Variants in GAL3ST2 observed in about 807,000 individuals in gnomAD.
GAL3ST2 encodes the protein beta-galactose-3-O-sulfotransferase 2.
In GAL3ST2, 16 loss-of-function variants were observed where a neutral mutation model predicts 12.9. The ratio of observed to expected loss-of-function variants is 1.24; its 90% CI spans 0.84 to 1.88. The LOEUF is 1.88. Among genes scored for constraint, GAL3ST2 ranks in the 40% most tolerant of loss-of-function variants. The pLI is 0.00. For synonymous variants in GAL3ST2, 302 were observed against 273.9 expected (o/e 1.10, Z -1.01); for missense variants, 639 against 571.8 (o/e 1.12, Z -1.20).
Position 241,799,097 on chromosome 2 carries a change from C to A in GAL3ST2, c.62C>A (p.Ala21Asp). Reference sequence around the variant, plus strand: ...CGGGTCATCCTCCTCCTCCTCCTGGCCCTGACTCTGCTCCTGCTGGCCGGA... The same window carrying A: ...CGGGTCATCCTCCTCCTCCTCCTGGACCTGACTCTGCTCCTGCTGGCCGGA... ...YFRVILLLLL[A>D]LTLLLLAGFL... The change falls in exon 2 of 4, where the codon GCC (alanine) becomes GAC (aspartate). Residue 21 changes from alanine (A) to aspartate (D), a missense_variant. Transcript: ENST00000192314. 6.2e-7 allele frequency: 1 copy of A among 1,613,750 alleles called. No individual in the cohort carries two copies.
At chr2:241,790,513 C>T (rs547409832) in intron 1 of GAL3ST2, among the ~76,000 whole-genome samples, 2 of 152,154 alleles carry the variant, frequency 1.3e-5, no homozygotes, top group South Asian at 2.1e-4. Context: ...TGTATCTTGC[C>T]CAAATTCCTA....
intron 1 of GAL3ST2, among the ~76,000 whole-genome samples, chr2:241,779,842 C>T (rs369241425): frequency 3.1e-4 from 47 of 151,744 alleles, no homozygotes; most frequent in African/African-American, 7.5e-4. Flanking sequence ...CAAAATTAGC[C>T]GGGCATGGTG....
In GAL3ST2 at chr2:241,801,855, G is replaced by A. The variant is rs769281840; in HGVS notation, c.194G>A (p.Ser65Asn). 1.2e-6 allele frequency: 2 copies of A among 1,612,986 alleles called. No individual in the cohort carries two copies. The highest frequency in any genetic ancestry group is 1.7e-6 in the Non-Finnish European group (2 of 1,179,958). Reference sequence around the variant, plus strand: ...CTGAAGACGCACAAGACGGCCAGCAGCACGGTGCTCAACATCCTCTACCGC... The same window carrying A: ...CTGAAGACGCACAAGACGGCCAGCAACACGGTGCTCAACATCCTCTACCGC... ...MFLKTHKTAS[S>N]TVLNILYRFA... Residue 65 changes from serine to asparagine, a missense_variant, in exon 3 of 4, where the codon AGC (serine) becomes AAC (asparagine). Transcript: ENST00000192314. The surrounding 1 kb of genome is among the most constrained non-coding windows in gnomAD (Gnocchi z 4.4).
Position 241,801,565 on chromosome 2 carries a change from G to T in GAL3ST2, c.120-216G>T. On this transcript the variant is annotated intron_variant, in intron 2 of 3. Transcript: ENST00000192314. The surrounding 1 kb of genome is among the most constrained non-coding windows in gnomAD (Gnocchi z 4.4). ...GGGAGCATGGTTACGGGAGACAGTT[G>T]GGGGAGTTTGTGTTCGGGCCACCAG... The T allele has an allele frequency of 1.6e-6, 1 of 615,040 alleles. No individual in the cohort carries two copies. The highest frequency in any genetic ancestry group is 2.8e-6 in the Non-Finnish European group (1 of 352,242). 38.1% of individuals were successfully genotyped at this position (615,040 alleles called of 1,614,324 possible).
At position 241,803,692 on chromosome 2, in the gene GAL3ST2, G is replaced by T. The variant is rs1249709027; in HGVS notation, c.723G>T (p.Leu241=). The T allele has an allele frequency of 1.3e-6, 2 of 1,545,330 alleles. No individual in the cohort carries two copies. Among genetic ancestry groups the T allele is most frequent in the Non-Finnish European group, 1.7e-6 (2 of 1,144,288 alleles). Reference sequence around the variant, plus strand: ...CCCTGGTGCTGCTGCGGCGCCGGCTGCGCTGGGCGCTGGACGACGTGGTGG... The same window carrying T: ...CCCTGGTGCTGCTGCGGCGCCGGCTTCGCTGGGCGCTGGACGACGTGGTGG... The part of the protein sequence containing the change: ...DESLVLLRRR[L]RWALDDVVAF... The change falls in exon 4 of 4, where the codon CTG becomes CTT. Residue 241 remains leucine (L), a synonymous_variant. Transcript: ENST00000192314.
chr2:241,785,838 A>G (rs984864665), intron 1 of GAL3ST2, among the ~76,000 whole-genome samples: 1 of 151,644 alleles, frequency 6.6e-6, no homozygotes, highest in African/African-American at 2.4e-5. Flanking sequence ...CATGAAGAAC[A>G]TGAAGAAGGC....
rs369259621 is a variant in GAL3ST2 at position 241,779,967 on chromosome 2, C to A, written c.29+2983C>A. ...TGCCATTGCACTCCAGCCTGGGCAA[C>A]AAGAGCACAATCCCGTCTCAAAAAA... On this transcript the variant is annotated intron_variant, in intron 1 of 3. Coordinates refer to ENST00000192314, the MANE Select transcript of GAL3ST2 (RefSeq NM_022134.3). 4.2e-4 allele frequency among the ~76,000 whole-genome samples: 62 copies of A among 146,956 alleles called. 2 individuals carry two copies. Among genetic ancestry groups the A allele is most frequent in the African/African-American group, 1.5e-3 (59 of 39,682 alleles).
Position 241,793,707 on chromosome 2 carries a change from G to A in GAL3ST2, c.30-5358G>A, listed in dbSNP as rs533441279. 1.3e-5 allele frequency among the ~76,000 whole-genome samples: 2 copies of A among 151,518 alleles called. No homozygotes were observed. Among genetic ancestry groups the A allele is most frequent in the East Asian group, 1.9e-4 (1 of 5,144 alleles). On this transcript the variant is annotated intron_variant, in intron 1 of 3. Transcript: ENST00000192314. The surrounding 1 kb of genome is among the most constrained non-coding windows in gnomAD (Gnocchi z 4.7). ...TATGTGTGTGTATATGTGTATGTAC[G>A]TATTGTGTATGCATGTGTGTATGTG...
intron 1 of GAL3ST2, among the ~76,000 whole-genome samples, chr2:241,796,998 G>A (rs1234157652): frequency 2.0e-5 from 3 of 152,172 alleles, no homozygotes; most frequent in East Asian, 1.9e-4. Flanking sequence ...CCGCCCTGGC[G>A]CAGCCATCCT....
In GAL3ST2 at chr2:241,804,098, A is replaced by G. The variant is rs756952557; in HGVS notation, c.1129A>G (p.Met377Val). 1 of 1,525,852 alleles carries G rather than the reference A, an allele frequency of 6.6e-7. No homozygotes were observed. The highest frequency in any genetic ancestry group is 2.1e-5 in the Admixed American group (1 of 48,302). The allele number at this position is 1,525,852 out of a possible 1,614,324, so 94.5% of individuals were successfully genotyped here. Reference protein sequence around the residue: ...QRLVMPELQYMARLYALQFPE... With the variant: ...QRLVMPELQYVARLYALQFPE... ...GCTTGTGATGCCTGAGCTCCAGTACATGGCCCGCCTGTACGCCCTGCAGTT... is the reference window on the plus strand; with the variant it reads ...GCTTGTGATGCCTGAGCTCCAGTACGTGGCCCGCCTGTACGCCCTGCAGTT... Residue 377 changes from methionine to valine, a missense_variant, in exon 4 of 4, where the codon ATG (methionine) becomes GTG (valine). By Grantham distance (21) the Met-to-Val change is conservative. Transcript: ENST00000192314.
In GAL3ST2 at chr2:241,800,730, G is replaced by A. The variant is rs551851192; in HGVS notation, c.120-1051G>A. ...GGGGAGCAGGGGTCAGCGAGGCAGC[G>A]TCTGGCAGCGGGTGAGCTGCACCTG... On this transcript the variant is annotated intron_variant, in intron 2 of 3. Transcript: ENST00000192314. This position sits in a 1 kb window ranked among gnomAD's most constrained non-coding sequence, Gnocchi z 5.2. Among the ~76,000 whole-genome samples, 4 of 152,328 alleles carry A rather than the reference G, an allele frequency of 2.6e-5. No homozygotes were observed. The highest frequency in any genetic ancestry group is 2.1e-4 in the South Asian group (1 of 4,826).
intron 1 of GAL3ST2, among the ~76,000 whole-genome samples, chr2:241,780,057 G>C (rs1699547748): frequency 6.6e-6 from 1 of 151,668 alleles, no homozygotes; most frequent in Non-Finnish European, 1.5e-5. Context: ...AAGTTGTCTA[G>C]CTTATTCCAA....
At chr2:241,779,565 T>G (rs999255966) in intron 1 of GAL3ST2, among the ~76,000 whole-genome samples, 2 of 151,222 alleles carry the variant, frequency 1.3e-5, no homozygotes, top group Admixed American at 1.3e-4. Context: ...GGTTGTGAAG[T>G]GTCAAGTCCT....
chr2:241,792,330 G>T (rs1214711818), intron 1 of GAL3ST2, among the ~76,000 whole-genome samples: 2 of 79,786 alleles, frequency 2.5e-5, no homozygotes, highest in African/African-American at 4.8e-5. Flanking sequence ...GCACCCACCC[G>T]CCCCCCTTAT....
chr2:241,803,324 C>T (rs767480291), intron 3 of GAL3ST2, 21 bp from the exon 4 acceptor site: 2 of 1,563,928 alleles, frequency 1.3e-6, no homozygotes, highest in East Asian at 4.5e-5. Context: ...GTCCGCAGCC[C>T]GCCTCTCTGT....
rs150107870 is a variant in GAL3ST2 at position 241,804,117 on chromosome 2, T to C, written c.1148T>C (p.Leu383Pro). ...ELQYMARLYA[L>P]QFPEKPLKNI... ...CAGTACATGGCCCGCCTGTACGCCC[T>C]GCAGTTCCCGGAGAAGCCCCTCAAG... is the stretch of plus-strand genomic sequence containing the variant. The change falls in exon 4 of 4, where the codon CTG becomes CCG. Residue 383 changes from leucine (L) to proline (P), a missense_variant. Physicochemically the swap from Leu to Pro is moderately conservative, Grantham distance 98. Transcript: ENST00000192314. 13,952 of 1,502,280 alleles carry C rather than the reference T, an allele frequency of 9.3e-3. 73 individuals carry two copies. The highest frequency in any genetic ancestry group is 0.011 in the Non-Finnish European group (12,378 of 1,124,736). 93.1% of individuals were successfully genotyped at this position (1,502,280 alleles called of 1,614,324 possible).
At chr2:241,799,553 C>T (rs1033822456) in intron 2 of GAL3ST2, among the ~76,000 whole-genome samples, 2 of 152,216 alleles carry the variant, frequency 1.3e-5, no homozygotes, top group Non-Finnish European at 2.9e-5. Context: ...ACCTGGGACC[C>T]TCTCCCCTGC....
rs1352985191 is a variant in GAL3ST2 at position 241,803,572 on chromosome 2, C to T, written c.603C>T (p.Pro201=). The T allele has an allele frequency of 5.6e-6, 9 of 1,596,416 alleles. No homozygotes were observed. Among genetic ancestry groups the T allele is most frequent in the Non-Finnish European group, 7.7e-6 (9 of 1,171,090 alleles). ...TGTGGTTCGACTTCGGCTTCGACCC[C>T]AACGCGCAGTGCGAGGAGGGCTACG... The part of the protein sequence containing the change: ...NNMWFDFGFD[P]NAQCEEGYVR... The change falls in exon 4 of 4, where the codon CCC becomes CCT. Residue 201 remains proline, a synonymous_variant. Transcript: ENST00000192314.
rs1426891657 is a variant in GAL3ST2, at chr2:241,793,061, G to GTC, written c.30-6001_30-6000dup. ...GTTCGTCCTGCATATGCGGACTGAT[G>GTC]TCTCATGTCTCCCTACAATGTATAA... On this transcript the variant is annotated intron_variant, in intron 1 of 3. Transcript: ENST00000192314. The surrounding 1 kb of genome is among the most constrained non-coding windows in gnomAD (Gnocchi z 4.7). Among the ~76,000 whole-genome samples, 1 of 152,188 alleles carries GTC rather than the reference G, an allele frequency of 6.6e-6. No individual in the cohort carries two copies. Among genetic ancestry groups the GTC allele is most frequent in the Non-Finnish European group, 1.5e-5 (1 of 68,042 alleles).
Sources: gnomAD v4.1 joint callset for allele counts (sites outside exome capture counted in the v4.1 genomes callset) on GRCh38, gnomAD v4.1.1 for gene constraint, Gnocchi (gnomAD v3.1) non-coding constraint, MANE v1.5 for transcripts, NCBI Gene and HGNC (gene_info 2026-07-23, HGNC 2026-07-21) for gene names.